The following TNC variants were observed in gnomAD, a reference collection of about 807,000 sequenced individuals.
TNC encodes tenascin.
In TNC, 109 loss-of-function variants were observed where a neutral mutation model predicts 202.4. That is an observed-to-expected ratio of 0.54 (90% CI 0.46 to 0.63). The LOEUF (loss-of-function observed/expected upper bound fraction) is 0.63, where lower values mean the gene tolerates loss of function less well. Among genes scored for constraint, TNC ranks in the 30% least tolerant of loss-of-function variants. TNC has a pLI of 0.00. For missense variants in TNC, 2,756 were observed against 2,833.3 expected (o/e 0.97, Z 0.62); for synonymous variants, 1,007 against 1,089.7 (o/e 0.92, Z 1.50).
intron 19 of TNC, among the ~76,000 whole-genome samples, chr9:115,039,411 G>C (rs1830571650): frequency 6.6e-6 from 1 of 152,182 alleles, no homozygotes; most frequent in Non-Finnish European, 1.5e-5. Flanking sequence ...CTCTATTAAA[G>C]GTATTTGAAG....
intron 22 of TNC, among the ~76,000 whole-genome samples, chr9:115,032,717 T>G (rs1393329749): frequency 6.6e-6 from 1 of 152,172 alleles, no homozygotes; most frequent in East Asian, 1.9e-4. Context: ...ATGGTAGGAT[T>G]AAAACTTAAG....
At chr9:115,047,372 A>G (rs1407128466) in intron 16 of TNC, among the ~76,000 whole-genome samples, 1 of 151,416 alleles carries the variant, frequency 6.6e-6, no homozygotes, top group Non-Finnish European at 1.5e-5. Context: ...GCATTGCCTT[A>G]ACTAGACAAA....
chr9:115,043,758 A>AACAG (rs1402399459), intron 17 of TNC, among the ~76,000 whole-genome samples: 1 of 151,984 alleles, frequency 6.6e-6, no homozygotes, highest in Non-Finnish European at 1.5e-5. Flanking sequence ...CAAACAAACA[A>AACAG]AAAACAGTGA....
chr9:115,063,181 G>C lies in TNC; in HGVS notation c.3769C>G (p.Pro1257Ala). 6.2e-7 allele frequency: 1 copy of C among 1,613,992 alleles called. No homozygotes were observed. The highest frequency in any genetic ancestry group is 8.5e-7 in the Non-Finnish European group (1 of 1,179,902). Reference sequence around the variant, plus strand: ...GTCACTGTGAGGTTTCCCATATCTGGAACCTCCTCTGCATAAGGACACAGA... The same window carrying C: ...GTCACTGTGAGGTTTCCCATATCTGCAACCTCCTCTGCATAAGGACACAGA... ...LSVEVLTEEV[P>A]DMGNLTVTEV... The change falls in exon 13 of 28, where the codon CCA becomes GCA. Residue 1257 changes from proline to alanine, a missense_variant. By Grantham distance (27) the Pro-to-Ala change is conservative. Around this residue, in one of 2 missense-constraint regions of TNC, gnomAD observed 2,559 missense variants for 2,546.0 expected, o/e 1.01. Transcript: ENST00000350763.
At chr9:115,052,023 T>TGTAG (rs1831712148) in intron 15 of TNC, among the ~76,000 whole-genome samples, 1 of 149,558 alleles carries the variant, frequency 6.7e-6, no homozygotes, top group Admixed American at 6.7e-5. Context: ...AAATGTGGTG[T>TGTAG]ATAGATAGAT....
Position 115,036,240 on chromosome 9 carries a change from C to G in TNC, c.5514G>C (p.Val1838=), listed in dbSNP as rs1267200621. The G allele has an allele frequency of 6.2e-7, 1 of 1,613,956 alleles. No homozygotes were observed. The highest frequency in any genetic ancestry group is 8.5e-7 in the Non-Finnish European group (1 of 1,179,974). ...CGGACACCGTGCGTGTAATTTCTGGCACTAAACATGAAATACACATACCAA... is the reference window on the plus strand; with the variant it reads ...CGGACACCGTGCGTGTAATTTCTGGGACTAAACATGAAATACACATACCAA... ...SYVISYTGEK[V]PEITRTVSGN... The change falls in exon 21 of 28, where the codon GTG becomes GTC. Residue 1838 remains valine (V), a splice_region_variant and synonymous_variant. Transcript: ENST00000350763.
At chr9:115,090,467 G>T in intron 2 of TNC, 95 bp downstream of exon 2, 1 of 1,020,118 alleles carries the variant, frequency 9.8e-7, no homozygotes, top group South Asian at 1.7e-5. Context: ...TAGTTTTCTA[G>T]TGAGCCCACT....
chr9:115,092,513 G>A lies in TNC; in HGVS notation c.-136-1359C>T, dbSNP rs1046549506. ...TATACACGATATGAAGTCATTCATG[G>A]TTTTCTTTAATTAGGAGATGCACCC... On this transcript the variant is annotated intron_variant, in intron 1 of 27. Transcript: ENST00000350763. Among the ~76,000 whole-genome samples the A allele has an allele frequency of 2.0e-5, 3 of 152,270 alleles. No homozygotes were observed. The East Asian group carries it at 5.8e-4, about 29-fold the overall frequency.
chr9:115,116,711 C>T (rs1032941747), intron 1 of TNC, among the ~76,000 whole-genome samples: 8 of 152,212 alleles, frequency 5.3e-5, no homozygotes, highest in African/African-American at 1.2e-4. Flanking sequence ...GATGCCTAAA[C>T]TCAAAACCTC....
At chr9:115,051,441 A>G (rs558630001) in intron 15 of TNC, among the ~76,000 whole-genome samples, 1 of 151,798 alleles carries the variant, frequency 6.6e-6, no homozygotes, top group Admixed American at 6.6e-5. Context: ...CCCAAAGCCA[A>G]CCCCAATCAG....
intron 1 of TNC, among the ~76,000 whole-genome samples, chr9:115,111,828 A>G (rs371523244): frequency 2.0e-5 from 3 of 152,112 alleles, no homozygotes; most frequent in African/African-American, 7.2e-5. Context: ...CCCTCAGTTC[A>G]ATATCTCTCA....
intron 16 of TNC, among the ~76,000 whole-genome samples, chr9:115,046,932 A>G (rs1028981311): frequency 1.1e-4 from 16 of 152,204 alleles, no homozygotes; most frequent in Admixed American, 3.3e-4. Context: ...TTTGTCTAAA[A>G]GCAATTCAGT....
intron 25 of TNC, among the ~76,000 whole-genome samples, chr9:115,027,925 T>C (rs996580559): frequency 2.6e-5 from 4 of 152,114 alleles, no homozygotes; most frequent in African/African-American, 7.2e-5. Flanking sequence ...CTGGTGACCA[T>C]CAAGTAGGAC....
At chr9:115,104,639 G>A (rs867360376) in intron 1 of TNC, among the ~76,000 whole-genome samples, 22 of 152,178 alleles carry the variant, frequency 1.4e-4, no homozygotes, top group African/African-American at 4.8e-4. Flanking sequence ...AGCTATAAGT[G>A]CCTGACATAT....
chr9:115,066,860 C>T (rs889337605), intron 10 of TNC, among the ~76,000 whole-genome samples: 2 of 152,184 alleles, frequency 1.3e-5, no homozygotes, highest in Admixed American at 1.3e-4. Context: ...TTTTGTGTTA[C>T]AAAATGTGCA....
At chr9:115,067,623 A>C (rs1833052726) in intron 10 of TNC, among the ~76,000 whole-genome samples, 2 of 152,156 alleles carry the variant, frequency 1.3e-5, no homozygotes, top group Admixed American at 1.3e-4. Context: ...GCACGTTGGA[A>C]AATGTCTCTT....
chr9:115,069,368 T>C (rs1038131143), intron 10 of TNC, among the ~76,000 whole-genome samples: 1 of 151,568 alleles, frequency 6.6e-6, no homozygotes, highest in African/African-American at 2.4e-5. Flanking sequence ...CAGGGTTTAG[T>C]TGGGTTTATA....
At chr9:115,024,605 A>T (rs975925083) in intron 26 of TNC, among the ~76,000 whole-genome samples, 1 of 152,232 alleles carries the variant, frequency 6.6e-6, no homozygotes, top group Non-Finnish European at 1.5e-5. Context: ...TTCTATAAAG[A>T]CCTCAGAGAG....
chr9:115,095,596 GTA>G (rs1333859136), intron 1 of TNC, among the ~76,000 whole-genome samples: 1 of 1,804 alleles, frequency 5.5e-4, no homozygotes, highest in African/African-American at 1.5e-3. Context: ...GTATATATAT[GTA>G]TATATATATG....
Sources: gnomAD v4.1 joint callset for allele counts (sites outside exome capture counted in the v4.1 genomes callset) on GRCh38, gnomAD v4.1.1 for gene constraint, gnomAD v4.1.1 regional missense constraint, MANE v1.5 for transcripts, NCBI Gene and HGNC (gene_info 2026-07-23, HGNC 2026-07-21) for gene names.